GHR: variants seen among roughly 807,000 people sequenced by gnomAD.
The protein encoded by GHR is GH receptor.
Under a neutral mutation model 67.1 loss-of-function variants are expected in GHR, and 35 were observed. The ratio of observed to expected loss-of-function variants is 0.52; its 90% CI spans 0.40 to 0.69. The LOEUF is 0.69. GHR is among the 30% of genes least tolerant of loss of function. The pLI, the probability that GHR is intolerant of heterozygous loss-of-function variation, is 0.00. For synonymous variants in GHR, 272 were observed against 269.1 expected, an observed-to-expected ratio of 1.01 and a Z score of -0.10; for missense variants, 792 against 764.6, an observed-to-expected ratio of 1.04 and a Z score of -0.42.
intron 2 of GHR, among the ~76,000 whole-genome samples, chr5:42,613,307 G>T (rs1323174275): frequency 6.6e-6 from 1 of 152,082 alleles, no homozygotes; most frequent in Non-Finnish European, 1.5e-5. Context: ...CCTTGCTGCT[G>T]TTGTTTCTCC....
intron 2 of GHR, among the ~76,000 whole-genome samples, chr5:42,602,636 T>G (rs1305354677): frequency 6.6e-6 from 1 of 152,190 alleles, no homozygotes; most frequent in African/African-American, 2.4e-5. Context: ...TGCTGATAGG[T>G]TTTGATTTCT....
At chr5:42,434,319 G>A (rs1306983461) in intron 1 of GHR, among the ~76,000 whole-genome samples, 1 of 152,092 alleles carries the variant, frequency 6.6e-6, no homozygotes, top group Non-Finnish European at 1.5e-5. Flanking sequence ...TAGGGACATT[G>A]GGAAATACAG....
chr5:42,588,374 G>T (rs113445098), intron 2 of GHR, among the ~76,000 whole-genome samples: 67 of 151,904 alleles, frequency 4.4e-4, no homozygotes, highest in Middle Eastern at 6.8e-3. Flanking sequence ...AAAAAAATTA[G>T]CCAGGCTTGG....
chr5:42,523,241 T>C (rs1747553080), intron 1 of GHR, among the ~76,000 whole-genome samples: 1 of 152,212 alleles, frequency 6.6e-6, no homozygotes, highest in Admixed American at 6.5e-5. Context: ...ATGTTGCTGA[T>C]AGTAGTCAGC....
chr5:42,612,113 C>G (rs1482303867), intron 2 of GHR, among the ~76,000 whole-genome samples: 1 of 152,112 alleles, frequency 6.6e-6, no homozygotes, highest in African/African-American at 2.4e-5. Context: ...AGTATGTGGC[C>G]ACATCCAACA....
intron 3 of GHR, chr5:42,646,449 G>GA: frequency 2.7e-6 from 1 of 368,774 alleles, no homozygotes; most frequent in South Asian, 2.1e-5. Flanking sequence ...AAAAGTAAAA[G>GA]CTTTTTTTTT....
intron 1 of GHR, among the ~76,000 whole-genome samples, chr5:42,538,043 T>A (rs371849779): frequency 1.3e-5 from 2 of 152,294 alleles, no homozygotes; most frequent in African/African-American, 4.8e-5. Context: ...TAAGTTTATG[T>A]GAGTTCTTAT....
intron 1 of GHR, among the ~76,000 whole-genome samples, chr5:42,462,488 T>A (rs909652991): frequency 1.3e-5 from 2 of 152,226 alleles, no homozygotes; most frequent in Non-Finnish European, 2.9e-5. Context: ...AAATATAGAT[T>A]TAAACCACTT....
chr5:42,496,466 A>C (rs985553213), intron 1 of GHR, among the ~76,000 whole-genome samples: 4 of 152,136 alleles, frequency 2.6e-5, no homozygotes, highest in African/African-American at 9.7e-5. Flanking sequence ...TATCAAGATG[A>C]AGATCCATAG....
intron 1 of GHR, among the ~76,000 whole-genome samples, chr5:42,469,573 C>T (rs945325891): frequency 2.0e-5 from 3 of 152,204 alleles, no homozygotes; most frequent in South Asian, 2.1e-4. Context: ...AGACCTCTTC[C>T]TCTGACCAGG....
At chr5:42,492,633 T>A (rs1413723890) in intron 1 of GHR, among the ~76,000 whole-genome samples, 1 of 152,220 alleles carries the variant, frequency 6.6e-6, no homozygotes, top group East Asian at 1.9e-4. Context: ...GATTCTGAAC[T>A]AACATTAGCA....
intron 1 of GHR, among the ~76,000 whole-genome samples, chr5:42,444,309 A>C (rs1561306614): frequency 6.6e-6 from 1 of 152,230 alleles, no homozygotes; most frequent in Non-Finnish European, 1.5e-5. Flanking sequence ...GTCCAGTGCC[A>C]GTGACATGAG....
intron 1 of GHR, chr5:42,468,434 A>T: frequency 1.0e-6 from 1 of 969,154 alleles, no homozygotes. Context: ...TCCCAGGGCC[A>T]AGATGAGTAT....
chr5:42,543,247 T>C (rs1176925957), intron 1 of GHR, among the ~76,000 whole-genome samples: 1 of 152,174 alleles, frequency 6.6e-6, no homozygotes, highest in East Asian at 1.9e-4. Context: ...TTGACATCAC[T>C]ACCAGCAGTG....
chr5:42,576,601 G>A (rs370589067), intron 2 of GHR, among the ~76,000 whole-genome samples: 15 of 152,124 alleles, frequency 9.9e-5, no homozygotes, highest in South Asian at 8.3e-4. Flanking sequence ...TAAAAGAAGC[G>A]GTTTATTTGC....
chr5:42,542,424 G>C (rs879502896), intron 1 of GHR, among the ~76,000 whole-genome samples: 1 of 152,092 alleles, frequency 6.6e-6, no homozygotes, highest in South Asian at 2.1e-4. Context: ...TGGGCAAGGA[G>C]GAATTAAAGA....
intron 1 of GHR, among the ~76,000 whole-genome samples, chr5:42,443,479 C>T (rs1743669137): frequency 6.6e-6 from 1 of 152,032 alleles, no homozygotes; most frequent in Non-Finnish European, 1.5e-5. Flanking sequence ...TCTGTCATTC[C>T]ATAAATTTAA....
intron 2 of GHR, among the ~76,000 whole-genome samples, chr5:42,608,172 T>C (rs1239811603): frequency 6.6e-6 from 1 of 152,216 alleles, no homozygotes; most frequent in East Asian, 1.9e-4. Flanking sequence ...TATTATGCTA[T>C]TAAGTTATAT....
chr5:42,474,776 G>A (rs1282398241), intron 1 of GHR, among the ~76,000 whole-genome samples: 2 of 149,498 alleles, frequency 1.3e-5, no homozygotes, highest in East Asian at 1.9e-4. Flanking sequence ...AGTAAAACCT[G>A]TATTTTTAGG....
Sources: gnomAD v4.1 joint callset for allele counts (sites outside exome capture counted in the v4.1 genomes callset) on GRCh38, gnomAD v4.1.1 for gene constraint, MANE v1.5 for transcripts, NCBI Gene and HGNC (gene_info 2026-07-23, HGNC 2026-07-21) for gene names.